The following IL1RAPL2 variants were observed in gnomAD, a reference collection of about 807,000 sequenced individuals.
IL1RAPL2 encodes X-linked interleukin-1 receptor accessory protein-like 2.
IL1RAPL2 carries 3 observed loss-of-function variants against 44.1 expected under a neutral mutation model. The ratio of observed to expected loss-of-function variants is 0.07; its 90% CI spans 0.03 to 0.18. The LOEUF (loss-of-function observed/expected upper bound fraction) is 0.18. Ranked by LOEUF, IL1RAPL2 falls within the 10% of genes least tolerant of loss-of-function variation. IL1RAPL2 has a pLI of 1.00. For synonymous variants in IL1RAPL2, 181 were observed against 178.8 expected, an observed-to-expected ratio of 1.01 and a Z score of -0.10; for missense variants, 391 against 496.4, an observed-to-expected ratio of 0.79 and a Z score of 2.02.
At chrX:105,484,488 A>C (rs931038751) in intron 6 of IL1RAPL2, 101 bp downstream of exon 6, 3 of 554,586 alleles carry the variant, frequency 5.4e-6, no homozygotes, top group Non-Finnish European at 9.7e-6. Flanking sequence ...CTGTTATTAC[A>C]TGCAAATCAA....
At chrX:105,659,922 C>T (rs2037707540) in intron 6 of IL1RAPL2, among the ~76,000 whole-genome samples, 1 of 110,410 alleles carries the variant, frequency 9.1e-6, no homozygotes, top group Non-Finnish European at 1.9e-5. Context: ...CTTATTGGCC[C>T]TAAAGAGGAA....
intron 1 of IL1RAPL2, among the ~76,000 whole-genome samples, chrX:104,629,272 T>C (rs1406020502): frequency 8.9e-6 from 1 of 111,992 alleles, no homozygotes; most frequent in African/African-American, 3.2e-5. Flanking sequence ...ATTTCCATGA[T>C]GATTAATGGT....
At chrX:105,710,136 A>G (rs769264665) in intron 6 of IL1RAPL2, among the ~76,000 whole-genome samples, 2 of 111,502 alleles carry the variant, frequency 1.8e-5, no homozygotes, top group African/African-American at 6.5e-5. Context: ...ACCATCCCCA[A>G]GAAACATTAC....
intron 5 of IL1RAPL2, among the ~76,000 whole-genome samples, chrX:105,481,053 G>A (rs891409152): frequency 4.5e-5 from 5 of 111,938 alleles, no homozygotes; most frequent in Non-Finnish European, 3.8e-5. Context: ...TGTGTGGGGT[G>A]TCCTACAGGG....
intron 2 of IL1RAPL2, among the ~76,000 whole-genome samples, chrX:105,004,287 A>G (rs182513488): frequency 9.0e-6 from 1 of 110,951 alleles, no homozygotes; most frequent in East Asian, 2.9e-4. Context: ...GGGTTAAAAT[A>G]AAGTAAAATG....
intron 2 of IL1RAPL2, among the ~76,000 whole-genome samples, chrX:105,100,926 A>G (rs1053615344): frequency 8.9e-6 from 1 of 112,680 alleles, no homozygotes; most frequent in Non-Finnish European, 1.9e-5. Context: ...CTGAATGCCA[A>G]TTCCACTTTC....
chrX:104,910,337 G>A (rs191227805), intron 2 of IL1RAPL2, among the ~76,000 whole-genome samples: 8 of 112,357 alleles, frequency 7.1e-5, no homozygotes, highest in African/African-American at 2.6e-4. Flanking sequence ...GCTGGGAACT[G>A]TAGACTGGAG....
intron 2 of IL1RAPL2, among the ~76,000 whole-genome samples, chrX:105,096,122 T>G (rs1042956947): frequency 1.8e-5 from 2 of 111,946 alleles, no homozygotes; most frequent in African/African-American, 6.5e-5. Context: ...AAACACAAAG[T>G]AAAATGACAA....
rs1203149326 is a variant in IL1RAPL2, at chrX:104,637,067, AT to A, written c.-19-21814del. The stretch of plus-strand genomic sequence containing the variant: ...TAAATTTGTTCCTAGGTAGTTTGGG[AT>A]TTTTTTTTTTTTTGTAGCTATTGTA... On this transcript the variant is annotated intron_variant, in intron 1 of 10. Coordinates refer to ENST00000372582, the MANE Select transcript of IL1RAPL2 (RefSeq NM_017416.2). Among the ~76,000 whole-genome samples, 741 of 96,392 alleles carry A rather than the reference AT, an allele frequency of 7.7e-3. 1 individual carries two copies. Among genetic ancestry groups the A allele is most frequent in the African/African-American group, 0.017 (454 of 26,609 alleles). The allele number at this position is 96,392 out of a possible 115,157, so 83.7% of individuals were successfully genotyped here. A position where few individuals can be genotyped will look rare whatever the true frequency, so the allele number is the denominator to read the frequency against.
chrX:104,723,008 T>C (rs1931714376), intron 2 of IL1RAPL2, among the ~76,000 whole-genome samples: 1 of 111,207 alleles, frequency 9.0e-6, no homozygotes, highest in South Asian at 3.8e-4. Context: ...TTCAAGAACA[T>C]AGATTCCTTC....
At chrX:104,737,697 G>A (rs185698813) in intron 2 of IL1RAPL2, among the ~76,000 whole-genome samples, 29 of 111,800 alleles carry the variant, frequency 2.6e-4, no homozygotes, top group African/African-American at 7.8e-4. Flanking sequence ...TCAGTGAGAT[G>A]ACTATCAACT....
intron 5 of IL1RAPL2, among the ~76,000 whole-genome samples, chrX:105,345,576 A>G (rs1056807579): frequency 9.0e-6 from 1 of 110,867 alleles, no homozygotes; most frequent in African/African-American, 3.3e-5. Context: ...TTTTCATTTC[A>G]GAGACTCAAT....
intron 6 of IL1RAPL2, among the ~76,000 whole-genome samples, chrX:105,625,517 C>T: frequency 8.9e-6 from 1 of 112,132 alleles, no homozygotes; most frequent in Non-Finnish European, 1.9e-5. Flanking sequence ...TTTCCAGACT[C>T]ACTTGCTTCA....
chrX:104,598,207 T>C (rs1885924506), intron 1 of IL1RAPL2, among the ~76,000 whole-genome samples: 2 of 112,159 alleles, frequency 1.8e-5, no homozygotes, highest in African/African-American at 3.2e-5. Flanking sequence ...GTTTAGACTT[T>C]TTTTGTGTGT....
At chrX:104,915,795 C>T (rs1285835861) in intron 2 of IL1RAPL2, among the ~76,000 whole-genome samples, 1 of 111,351 alleles carries the variant, frequency 9.0e-6, no homozygotes, top group Admixed American at 9.5e-5. Context: ...ATGGCTAGCC[C>T]GTTTTCCCAG....
At chrX:105,065,555 A>C (rs982709888) in intron 2 of IL1RAPL2, among the ~76,000 whole-genome samples, 1 of 111,764 alleles carries the variant, frequency 8.9e-6, no homozygotes, top group Non-Finnish European at 1.9e-5. Flanking sequence ...TTGGGAATAG[A>C]GTCTCAATTG....
At chrX:105,225,397 G>T (rs971892661) in intron 3 of IL1RAPL2, among the ~76,000 whole-genome samples, 4 of 111,944 alleles carry the variant, frequency 3.6e-5, no homozygotes, top group Non-Finnish European at 7.5e-5. Context: ...ACAATTACAA[G>T]AAGAAGAAAA....
intron 2 of IL1RAPL2, among the ~76,000 whole-genome samples, chrX:105,124,109 A>G (rs925555342): frequency 1.8e-5 from 2 of 111,515 alleles, no homozygotes; most frequent in Middle Eastern, 4.6e-3. Flanking sequence ...GGCTTATAAC[A>G]GTCCTGGCAC....
At chrX:104,927,689 C>A (rs1924804682) in intron 2 of IL1RAPL2, among the ~76,000 whole-genome samples, 1 of 112,061 alleles carries the variant, frequency 8.9e-6, no homozygotes, top group African/African-American at 3.2e-5. Context: ...TAATTTTCCT[C>A]TTTAAAAAGA....
Sources: allele counts gnomAD v4.1 joint callset (sites outside exome capture counted in the v4.1 genomes callset), GRCh38; gene constraint gnomAD v4.1.1; transcripts MANE v1.5; gene names NCBI Gene and HGNC (gene_info 2026-07-23, HGNC 2026-07-21).